CDC20B: variants seen among roughly 807,000 people sequenced by gnomAD.
CDC20B encodes the protein cell division cycle protein 20 homolog B.
Under a neutral mutation model 64.1 loss-of-function variants are expected in CDC20B, and 58 were observed. That is an observed-to-expected ratio of 0.90 (90% confidence interval 0.73 to 1.13). The LOEUF (loss-of-function observed/expected upper bound fraction) is 1.13. Among genes scored for constraint, CDC20B ranks in the 50% most tolerant of loss-of-function variants. CDC20B has a pLI of 0.00. For synonymous variants in CDC20B, 243 were observed against 230.6 expected (o/e 1.05, Z -0.49); for missense variants, 597 against 633.0 (o/e 0.94, Z 0.61).
intron 2 of CDC20B, among the ~76,000 whole-genome samples, chr5:55,162,090 C>CAAA (rs34286995): frequency 3.3e-5 from 3 of 90,714 alleles, no homozygotes; most frequent in Admixed American, 1.2e-4. Flanking sequence ...CCATATTAGT[C>CAAA]AAAAAAAAAA....
At chr5:55,153,240 TAAAAAAA>T (rs1206577177) in intron 2 of CDC20B, among the ~76,000 whole-genome samples, 4 of 87,660 alleles carry the variant, frequency 4.6e-5, no homozygotes, top group African/African-American at 2.1e-4. Context: ...CCTTGTCTCA[TAAAAAAA>T]AAAAAAAAAA....
At position 55,161,203 on chromosome 5, in the gene CDC20B, C is replaced by G; in HGVS notation, c.126+11385G>C. On this transcript the variant is annotated intron_variant, in intron 2 of 11. Coordinates refer to ENST00000381375, the MANE Select transcript of CDC20B (RefSeq NM_001170402.1). Reference sequence around the variant, plus strand: ...ACGGAGTAACTTTCCCCATCTTCCACAAGATTAAGATTCTAGGATCTGAAG... The same window carrying G: ...ACGGAGTAACTTTCCCCATCTTCCAGAAGATTAAGATTCTAGGATCTGAAG... 6.2e-7 allele frequency: 1 copy of G among 1,614,126 alleles called. No homozygotes were observed. Among genetic ancestry groups the G allele is most frequent in the Middle Eastern group, 1.6e-4 (1 of 6,062 alleles).
chr5:55,155,093 A>T (rs972470646), intron 2 of CDC20B, among the ~76,000 whole-genome samples: 1 of 152,196 alleles, frequency 6.6e-6, no homozygotes, highest in Non-Finnish European at 1.5e-5. Flanking sequence ...AGAGGAAGAT[A>T]AGAAAAGTAA....
At chr5:55,168,890 G>A (rs1463020997) in intron 2 of CDC20B, among the ~76,000 whole-genome samples, 4 of 152,092 alleles carry the variant, frequency 2.6e-5, no homozygotes, top group Non-Finnish European at 5.9e-5. Flanking sequence ...CTATTTGGGT[G>A]ATAGGTTCAC....
intron 6 of CDC20B, among the ~76,000 whole-genome samples, chr5:55,131,960 C>T (rs534562164): frequency 1.3e-5 from 2 of 152,056 alleles, no homozygotes; most frequent in South Asian, 2.1e-4. Context: ...CGCCCAGCTA[C>T]TCAAGAGGCT....
At chr5:55,115,146 T>C (rs1742593154) in intron 11 of CDC20B, among the ~76,000 whole-genome samples, 1 of 151,914 alleles carries the variant, frequency 6.6e-6, no homozygotes, top group African/African-American at 2.4e-5. Flanking sequence ...CCAAAAAAGC[T>C]CTCCCACAGA....
At chr5:55,172,818 A>G in intron 1 of CDC20B, 120 bp downstream of exon 1, 1 of 1,076,358 alleles carries the variant, frequency 9.3e-7, no homozygotes, top group Non-Finnish European at 1.3e-6. Flanking sequence ...TACATCACTC[A>G]AATTTACGAC....
At chr5:55,144,434 A>G (rs914038987) in intron 3 of CDC20B, among the ~76,000 whole-genome samples, 2 of 152,178 alleles carry the variant, frequency 1.3e-5, no homozygotes, top group Non-Finnish European at 2.9e-5. Context: ...GGACCATTGG[A>G]AAATCTTAGC....
In CDC20B at chr5:55,114,322, G is replaced by C; in HGVS notation, c.1460-4C>G. On this transcript the variant is annotated splice_polypyrimidine_tract_variant and splice_region_variant and intron_variant, in intron 11 of 11. Coordinates refer to ENST00000381375, the MANE Select transcript of CDC20B (RefSeq NM_001170402.1). The surrounding 1 kb of genome is among the most constrained non-coding windows in gnomAD (Gnocchi z 4.1). ...TGCAGCACTCTGCCCCTGTGGCCTG[G>C]GGGAAGAAGGAAAGACAGTTCATAC... 2 of 1,613,318 alleles carry C rather than the reference G, an allele frequency of 1.2e-6. No homozygotes were observed. The highest frequency in any genetic ancestry group is 1.3e-5 in the African/African-American group (1 of 75,024).
chr5:55,126,543 G>A (rs1476056964), intron 8 of CDC20B: 1 of 190,352 alleles, frequency 5.3e-6, no homozygotes, highest in Non-Finnish European at 1.1e-5. Flanking sequence ...ACTACAATAT[G>A]AAAATGAATG....
intron 1 of CDC20B, 101 bp from the exon 2 acceptor site, chr5:55,172,751 T>TTTTTC: frequency 8.9e-5 from 1 of 11,262 alleles, no homozygotes; most frequent in Non-Finnish European, 1.6e-4. Context: ...AGATTACACT[T>TTTTTC]TTTTTTTTTT....
intron 7 of CDC20B, among the ~76,000 whole-genome samples, chr5:55,127,773 G>A (rs1482027277): frequency 1.3e-5 from 2 of 152,094 alleles, no homozygotes; most frequent in South Asian, 2.1e-4. Flanking sequence ...TTACTGCTAA[G>A]AGACTCCCTT....
intron 5 of CDC20B, among the ~76,000 whole-genome samples, chr5:55,138,547 G>A (rs1743246007): frequency 6.6e-6 from 1 of 152,090 alleles, no homozygotes; most frequent in Admixed American, 6.6e-5. Context: ...TTTTAAAACA[G>A]CACACCTTTC....
At chr5:55,160,288 A>C (rs1743971259) in intron 2 of CDC20B, 4 of 1,613,736 alleles carry the variant, frequency 2.5e-6, no homozygotes, top group Non-Finnish European at 3.4e-6. Flanking sequence ...CAGTAACGCT[A>C]TTTCTTCTAC....
chr5:55,170,106 T>C (rs1447952400), intron 2 of CDC20B, among the ~76,000 whole-genome samples: 10 of 148,816 alleles, frequency 6.7e-5, no homozygotes, highest in Admixed American at 6.7e-4. Context: ...AAAGCGAGAC[T>C]CCGTCTCAAA....
At chr5:55,160,735 G>T in intron 2 of CDC20B, 1 of 468,900 alleles carries the variant, frequency 2.1e-6, no homozygotes, top group Non-Finnish European at 3.7e-6. Context: ...AACTTATCAA[G>T]GATCATAGTT....
In CDC20B at chr5:55,172,851, C is replaced by T. The variant is rs565841224; in HGVS notation, c.63+87G>A. Reference sequence around the variant, plus strand: ...GACCAGGGCTTAGAGTTTCGTACCACCTCTTGGTCCTAAACAGATATTATG... The same window carrying T: ...GACCAGGGCTTAGAGTTTCGTACCATCTCTTGGTCCTAAACAGATATTATG... On this transcript the variant is annotated intron_variant, in intron 1 of 11. Coordinates refer to ENST00000381375, the MANE Select transcript of CDC20B (RefSeq NM_001170402.1). 1.3e-5 allele frequency: 17 copies of T among 1,313,578 alleles called. No homozygotes were observed. The South Asian group carries it at 1.8e-4, about 14-fold the overall frequency. The allele number at this position is 1,313,578 out of a possible 1,614,324, so 81.4% of individuals were successfully genotyped here.
intron 4 of CDC20B, among the ~76,000 whole-genome samples, chr5:55,140,624 G>A: frequency 6.6e-6 from 1 of 152,082 alleles, no homozygotes; most frequent in East Asian, 1.9e-4. Flanking sequence ...TCTCAACTAT[G>A]GAGTTCAACA....
chr5:55,128,652 A>G (rs1166900505), intron 6 of CDC20B, 35 bp from the exon 7 acceptor site: 2 of 1,426,786 alleles, frequency 1.4e-6, no homozygotes, highest in African/African-American at 3.0e-5. Context: ...GTATAATTAT[A>G]CAGCCACATG....
Sources: allele counts gnomAD v4.1 joint callset (sites outside exome capture counted in the v4.1 genomes callset), GRCh38; gene constraint gnomAD v4.1.1; non-coding constraint Gnocchi (gnomAD v3.1); transcripts MANE v1.5; gene names NCBI Gene and HGNC (gene_info 2026-07-23, HGNC 2026-07-21).